Variants in PHF2 observed in about 807,000 individuals in gnomAD.
PHF2 encodes PHD finger protein 2.
In PHF2, 27 loss-of-function variants were observed where a neutral mutation model predicts 120.5. The observed-to-expected ratio is 0.22, with a 90% CI of 0.17 to 0.31. The LOEUF is 0.31. Ranked by LOEUF, PHF2 falls within the 10% of genes least tolerant of loss-of-function variation. The pLI, the probability that PHF2 is intolerant of heterozygous loss-of-function variation, is 1.00. For missense variants in PHF2, 1,024 were observed against 1,434.8 expected (o/e 0.71, Z 4.63); for synonymous variants, 568 against 592.5 (o/e 0.96, Z 0.60).
rs114579875 is a variant in PHF2, at chr9:93,631,330, C to A, written c.184+1275C>A. Among the ~76,000 whole-genome samples, 295 of 152,290 alleles carry A rather than the reference C, an allele frequency of 1.9e-3. 3 individuals are homozygous for A. Among genetic ancestry groups the A allele is most frequent in the African/African-American group, 6.8e-3 (281 of 41,560 alleles). ...GTGTTTCAGGTCTCGACCCTATCCC[C>A]AGCACAGCCTCAACAAATATGCAAG... On this transcript the variant is annotated intron_variant, in intron 2 of 21. Coordinates refer to ENST00000359246, the MANE Select transcript of PHF2 (RefSeq NM_005392.4).
intron 1 of PHF2, among the ~76,000 whole-genome samples, chr9:93,600,609 G>A (rs1472349754): frequency 6.6e-6 from 1 of 152,194 alleles, no homozygotes; most frequent in African/African-American, 2.4e-5. Flanking sequence ...CCTGTAAAAT[G>A]CAGATGACAC....
In PHF2 at chr9:93,653,173, C is replaced by T. The variant is rs375330160; in HGVS notation, c.603-6C>T. ...TTCCCTCACCACCTTCCTCTCCCAC[C>T]CCTAGAATGTCCAGCTTCGTGGAGC... On this transcript the variant is annotated splice_region_variant and splice_polypyrimidine_tract_variant and intron_variant, in intron 5 of 21. Coordinates refer to ENST00000359246, the MANE Select transcript of PHF2 (RefSeq NM_005392.4). The T allele has an allele frequency of 5.0e-6, 8 of 1,613,706 alleles. No homozygotes were observed. In the African/African-American group the frequency reaches 9.3e-5, roughly 19 times the overall value.
rs138717280 is a variant in PHF2, at chr9:93,607,940, TGA to T, written c.99-22008_99-22007del. On this transcript the variant is annotated intron_variant, in intron 1 of 21. Coordinates refer to ENST00000359246, the MANE Select transcript of PHF2 (RefSeq NM_005392.4). The stretch of plus-strand genomic sequence containing the variant: ...GATGAGAGAGAGAGAGGGAAAGAGA[TGA>T]GAGAGAGAGAGAGAGAGAGAGGGAA... Among the ~76,000 whole-genome samples, 667 of 128,328 alleles carry T rather than the reference TGA, an allele frequency of 5.2e-3. 4 individuals are homozygous for T. Among genetic ancestry groups the T allele is most frequent in the Non-Finnish European group, 5.3e-3 (333 of 62,532 alleles). The allele number at this position is 128,328 out of a possible 152,430, so 84.2% of individuals were successfully genotyped here.
intron 3 of PHF2, 50 bp downstream of exon 3, chr9:93,636,575 A>C (rs116912871): frequency 0.016 from 19,460 of 1,243,612 alleles, 502 homozygotes; most frequent in East Asian, 0.12. Flanking sequence ...GGGGATGCAC[A>C]CTCTCTCCGT....
Position 93,674,963 on chromosome 9 carries a change from T to C in PHF2, c.2663T>C (p.Ile888Thr), listed in dbSNP as rs1199134475. ...CTGGAGTCAGATGAAGACAACCCCA[T>C]CTTTAAGTCCCGGTCGAAGAAAAGG... is the stretch of plus-strand genomic sequence containing the variant. The part of the protein sequence containing the change: ...PSLESDEDNP[I>T]FKSRSKKRKG... Residue 888 changes from isoleucine (I) to threonine (T), a missense_variant, in exon 19 of 22, where the codon ATC becomes ACC. Physicochemically the swap from Ile to Thr is moderately conservative, Grantham distance 89. Around this residue, in one of 2 missense-constraint regions of PHF2, gnomAD observed 677 missense variants for 857.4 expected, o/e 0.79. Coordinates refer to ENST00000359246, the MANE Select transcript of PHF2 (RefSeq NM_005392.4). 1 of 1,613,812 alleles carries C rather than the reference T, an allele frequency of 6.2e-7. No homozygotes were observed. Among genetic ancestry groups the C allele is most frequent in the Admixed American group, 1.7e-5 (1 of 60,018 alleles).
chr9:93,629,980 G>A lies in PHF2; in HGVS notation c.109G>A (p.Val37Met), dbSNP rs561226422. 3 of 1,614,170 alleles carry A rather than the reference G, an allele frequency of 1.9e-6. No individual in the cohort carries two copies. Among genetic ancestry groups the A allele is most frequent in the Non-Finnish European group, 2.5e-6 (3 of 1,180,016 alleles). ...KDWFHGSCVG[V>M]EEEEAPDIDI... is the part of the protein sequence containing the mutation. ...TTCGTCTCGTTTCAGCTGTGTTGGGGTGGAAGAGGAGGAGGCGCCCGACAT... is the reference window on the plus strand; with the variant it reads ...TTCGTCTCGTTTCAGCTGTGTTGGGATGGAAGAGGAGGAGGCGCCCGACAT... Residue 37 changes from valine to methionine, a missense_variant, in exon 2 of 22, where the codon GTG becomes ATG. Physicochemically the swap from Val to Met is conservative, Grantham distance 21 (BLOSUM62 1). Transcript: ENST00000359246.
At chr9:93,634,237 C>T (rs1826054525) in intron 2 of PHF2, among the ~76,000 whole-genome samples, 1 of 152,164 alleles carries the variant, frequency 6.6e-6, no homozygotes, top group African/African-American at 2.4e-5. Context: ...TTGATATCCA[C>T]ACCTCCCCAG....
At chr9:93,636,150 T>C (rs968404387) in intron 2 of PHF2, among the ~76,000 whole-genome samples, 8 of 151,980 alleles carry the variant, frequency 5.3e-5, no homozygotes, top group African/African-American at 1.9e-4. Context: ...AGACCCCAGC[T>C]TCTGGGTCAG....
intron 14 of PHF2, among the ~76,000 whole-genome samples, 181 bp from the exon 15 acceptor site, chr9:93,665,505 C>A (rs2118033829): frequency 6.6e-6 from 1 of 152,330 alleles, no homozygotes; most frequent in East Asian, 1.9e-4. Context: ...GGCCCTCTAC[C>A]CTCCTCCCAT....
chr9:93,667,036 G>A, intron 16 of PHF2, 44 bp from the exon 17 acceptor site: 1 of 1,552,598 alleles, frequency 6.4e-7, no homozygotes, highest in Non-Finnish European at 8.7e-7. Context: ...CCACTTTGGT[G>A]GCCAGACCCT....
At chr9:93,599,786 C>T (rs1241977636) in intron 1 of PHF2, among the ~76,000 whole-genome samples, 2 of 152,198 alleles carry the variant, frequency 1.3e-5, no homozygotes, top group African/African-American at 2.4e-5. Flanking sequence ...TTAGAGGCGC[C>T]GGTGGGGCCA....
At chr9:93,663,907 C>G (rs1826626649) in intron 14 of PHF2, among the ~76,000 whole-genome samples, 1 of 152,210 alleles carries the variant, frequency 6.6e-6, no homozygotes, top group Non-Finnish European at 1.5e-5. Context: ...CAGCCCTGTT[C>G]CTGGCACGTC....
At chr9:93,669,947 T>C (rs1490374904) in intron 17 of PHF2, among the ~76,000 whole-genome samples, 2 of 152,210 alleles carry the variant, frequency 1.3e-5, no homozygotes, top group Non-Finnish European at 2.9e-5. Flanking sequence ...GCCACTGTAT[T>C]GGCCTCTTCC....
intron 19 of PHF2, 33 bp from the exon 20 acceptor site, chr9:93,675,647 C>T: frequency 6.4e-7 from 1 of 1,560,212 alleles, no homozygotes; most frequent in Non-Finnish European, 8.8e-7. Flanking sequence ...CTGTGGCCTA[C>T]AGCTTGAGGG....
intron 5 of PHF2, among the ~76,000 whole-genome samples, chr9:93,650,620 C>T (rs1436335719): frequency 1.3e-5 from 2 of 152,208 alleles, no homozygotes; most frequent in East Asian, 3.8e-4. Flanking sequence ...CCTACACCAG[C>T]CTGGCTTCCT....
At chr9:93,586,241 T>C (rs984360517) in intron 1 of PHF2, among the ~76,000 whole-genome samples, 13 of 152,230 alleles carry the variant, frequency 8.5e-5, no homozygotes, top group Non-Finnish European at 1.5e-5. Flanking sequence ...AAACCTTCCT[T>C]GGCTGGAGTC....
At chr9:93,600,403 G>A (rs1429587717) in intron 1 of PHF2, among the ~76,000 whole-genome samples, 2 of 152,206 alleles carry the variant, frequency 1.3e-5, no homozygotes, top group African/African-American at 4.8e-5. Context: ...TCCGATGCCT[G>A]TCCTTATCTG....
At chr9:93,666,724 A>T (rs1448954097) in intron 16 of PHF2, among the ~76,000 whole-genome samples, 1 of 152,120 alleles carries the variant, frequency 6.6e-6, no homozygotes, top group Non-Finnish European at 1.5e-5. Context: ...AGGTCAGGAG[A>T]TTGAGACCAT....
chr9:93,653,724 G>GA (rs1381248205), intron 6 of PHF2, among the ~76,000 whole-genome samples: 10 of 152,356 alleles, frequency 6.6e-5, no homozygotes, highest in African/African-American at 1.2e-4. Flanking sequence ...GGGGGCAGGA[G>GA]AGGGGCATCT....
Sources: gnomAD v4.1 joint callset for allele counts (sites outside exome capture counted in the v4.1 genomes callset) on GRCh38, gnomAD v4.1.1 for gene constraint, gnomAD v4.1.1 regional missense constraint, MANE v1.5 for transcripts, NCBI Gene and HGNC (gene_info 2026-07-23, HGNC 2026-07-21) for gene names.